Variants in RUNDC3B observed in about 807,000 individuals in gnomAD.
RUNDC3B encodes RUN domain containing 3B.
Under a neutral mutation model 58.4 loss-of-function variants are expected in RUNDC3B, and 33 were observed. The ratio of observed to expected loss-of-function variants is 0.56; its 90% confidence interval spans 0.43 to 0.75. The LOEUF (loss-of-function observed/expected upper bound fraction) is 0.75. Among genes scored for constraint, RUNDC3B ranks in the 30% least tolerant of loss-of-function variants. The probability of loss-of-function intolerance (pLI) is 0.00; values close to 1 mark genes in which losing one functional copy is unlikely to be tolerated. For missense variants in RUNDC3B, 501 were observed against 535.7 expected, an observed-to-expected ratio of 0.94 and a Z score of 0.64; for synonymous variants, 193 against 195.2, an observed-to-expected ratio of 0.99 and a Z score of 0.10.
intron 6 of RUNDC3B, among the ~76,000 whole-genome samples, chr7:87,769,428 T>C (rs1340389798): frequency 1.3e-5 from 2 of 152,134 alleles, no homozygotes; most frequent in African/African-American, 2.4e-5. Flanking sequence ...TCTCCTTTTT[T>C]GTTTTGAATT....
At chr7:87,749,421 G>T (rs544109312) in intron 6 of RUNDC3B, among the ~76,000 whole-genome samples, 19 of 152,090 alleles carry the variant, frequency 1.2e-4, no homozygotes, top group Non-Finnish European at 2.5e-4. Flanking sequence ...ATAAAATGAA[G>T]AATTTCTAAC....
At chr7:87,771,736 A>G (rs1834297591) in intron 7 of RUNDC3B, among the ~76,000 whole-genome samples, 2 of 152,218 alleles carry the variant, frequency 1.3e-5, no homozygotes, top group African/African-American at 4.8e-5. Context: ...ACCAACAGGG[A>G]AACAGCAGGT....
At chr7:87,712,279 G>A (rs1830157731) in intron 4 of RUNDC3B, among the ~76,000 whole-genome samples, 1 of 152,004 alleles carries the variant, frequency 6.6e-6, no homozygotes, top group Non-Finnish European at 1.5e-5. Context: ...GATAAACAGT[G>A]AGATGATGAT....
At chr7:87,717,908 A>G (rs1442848364) in intron 4 of RUNDC3B, among the ~76,000 whole-genome samples, 1 of 152,194 alleles carries the variant, frequency 6.6e-6, no homozygotes, top group Non-Finnish European at 1.5e-5. Flanking sequence ...ATAGACAAAT[A>G]TCAGTTATTA....
Position 87,665,960 on chromosome 7 carries a change from C to T in RUNDC3B, c.238+15023C>T, listed in dbSNP as rs117714927. Among the ~76,000 whole-genome samples, 354 of 152,094 alleles carry T rather than the reference C, an allele frequency of 2.3e-3. 5 individuals carry two copies. The East Asian group carries it at 0.042, about 18-fold the overall frequency. ...ACAGTGAACATACGTGTACATGTGT[C>T]TTTATGGTAGAATGACTTATATTCC... On this transcript the variant is annotated intron_variant, in intron 2 of 10. Coordinates refer to ENST00000394654, the MANE Select transcript of RUNDC3B (RefSeq NM_001134405.2).
At chr7:87,653,341 A>G (rs1007579221) in intron 2 of RUNDC3B, among the ~76,000 whole-genome samples, 2 of 152,132 alleles carry the variant, frequency 1.3e-5, no homozygotes, top group African/African-American at 2.4e-5. Context: ...TGTTGAAGCC[A>G]GGTTGGAGAA....
intron 2 of RUNDC3B, among the ~76,000 whole-genome samples, chr7:87,660,108 CA>C (rs1265277003): frequency 6.6e-6 from 1 of 151,996 alleles, no homozygotes; most frequent in Non-Finnish European, 1.5e-5. Flanking sequence ...ATCCTAGCCT[CA>C]AAAATGCATT....
chr7:87,740,624 A>G (rs142789938), intron 5 of RUNDC3B, among the ~76,000 whole-genome samples: 43 of 152,320 alleles, frequency 2.8e-4, no homozygotes, highest in African/African-American at 9.1e-4. Flanking sequence ...ATGAAATTCT[A>G]CTTTTGAGTC....
At chr7:87,710,687 A>G in intron 4 of RUNDC3B, 32 bp downstream of exon 4, 1 of 1,198,714 alleles carries the variant, frequency 8.3e-7, no homozygotes, top group Non-Finnish European at 1.2e-6. Flanking sequence ...TCTAATATAT[A>G]TTTGAAAGAA....
At chr7:87,734,685 T>C (rs1413167023) in intron 4 of RUNDC3B, among the ~76,000 whole-genome samples, 2 of 152,210 alleles carry the variant, frequency 1.3e-5, no homozygotes, top group Non-Finnish European at 2.9e-5. Flanking sequence ...TTACCCACTC[T>C]TGTCTGGCTT....
At chr7:87,629,098 T>C in intron 1 of RUNDC3B, 153 bp downstream of exon 1, 2 of 677,630 alleles carry the variant, frequency 3.0e-6, no homozygotes, top group South Asian at 8.0e-5. Context: ...GCGCAGCTCC[T>C]TGGACAGGGG....
chr7:87,699,608 G>T (rs1828832644), intron 2 of RUNDC3B, among the ~76,000 whole-genome samples: 1 of 152,178 alleles, frequency 6.6e-6, no homozygotes, highest in Non-Finnish European at 1.5e-5. Flanking sequence ...GTTTCACCAT[G>T]TTGGCCAGGC....
At chr7:87,702,113 A>C (rs1263496347) in intron 3 of RUNDC3B, among the ~76,000 whole-genome samples, 1 of 126,504 alleles carries the variant, frequency 7.9e-6, no homozygotes, top group Non-Finnish European at 1.6e-5. Flanking sequence ...ACTGCACTCC[A>C]GCCTGGGCAA....
intron 2 of RUNDC3B, among the ~76,000 whole-genome samples, chr7:87,674,641 A>T (rs1826144550): frequency 6.6e-6 from 1 of 151,994 alleles, no homozygotes; most frequent in Admixed American, 6.6e-5. Context: ...GCTAGCATGT[A>T]TTGGCAGGGG....
At chr7:87,748,609 C>T (rs1308056068) in intron 6 of RUNDC3B, among the ~76,000 whole-genome samples, 1 of 152,134 alleles carries the variant, frequency 6.6e-6, no homozygotes, top group African/African-American at 2.4e-5. Context: ...CACATACACA[C>T]ACACACATTC....
chr7:87,741,263 G>A (rs1832310663), intron 5 of RUNDC3B, among the ~76,000 whole-genome samples: 1 of 151,662 alleles, frequency 6.6e-6, no homozygotes, highest in Non-Finnish European at 1.5e-5. Context: ...TTAACTGTTG[G>A]TTTAATGTAA....
chr7:87,785,276 G>C (rs1207335332), intron 8 of RUNDC3B, among the ~76,000 whole-genome samples: 1 of 151,944 alleles, frequency 6.6e-6, no homozygotes, highest in Non-Finnish European at 1.5e-5. Context: ...GGTACGACTG[G>C]TCAACAGACT....
In RUNDC3B at chr7:87,702,098, G is replaced by A. The variant is rs760896605; in HGVS notation, c.372+1544G>A. Among the ~76,000 whole-genome samples, 57 of 123,168 alleles carry A rather than the reference G, an allele frequency of 4.6e-4. No individual in the cohort carries two copies. The Middle Eastern group carries it at 0.021, about 45-fold the overall frequency. The allele number at this position is 123,168 out of a possible 152,430, so 80.8% of individuals were successfully genotyped here. ...GCGGAGCTTGCAGTGAGCAGAGATC[G>A]CGCCACTGCACTCCAGCCTGGGCAA... On this transcript the variant is annotated intron_variant, in intron 3 of 10. Transcript: ENST00000394654.
chr7:87,807,537 T>C lies in RUNDC3B; in HGVS notation c.1103+18T>C, dbSNP rs781496549. 17 of 1,597,434 alleles carry C rather than the reference T, an allele frequency of 1.1e-5. No homozygotes were observed. Among genetic ancestry groups the C allele is most frequent in the Non-Finnish European group, 1.5e-5 (17 of 1,165,240 alleles). Reference sequence around the variant, plus strand: ...TGGTATGAGTAAGTGTAATACTTTTTTTTCCAACTAATTAATAGTTAGTTG... The same window carrying C: ...TGGTATGAGTAAGTGTAATACTTTTCTTTCCAACTAATTAATAGTTAGTTG... On this transcript the variant is annotated intron_variant, in intron 9 of 10. Coordinates refer to ENST00000394654, the MANE Select transcript of RUNDC3B (RefSeq NM_001134405.2).
Sources: gnomAD v4.1 joint callset for allele counts (sites outside exome capture counted in the v4.1 genomes callset) on GRCh38, gnomAD v4.1.1 for gene constraint, MANE v1.5 for transcripts, NCBI Gene and HGNC (gene_info 2026-07-23, HGNC 2026-07-21) for gene names.